Variants in SPG11 observed in about 807,000 individuals in gnomAD.
SPG11 encodes spatacsin.
SPG11 carries 222 observed loss-of-function variants against 274.0 expected under a neutral mutation model. The ratio of observed to expected loss-of-function variants is 0.81; its 90% confidence interval spans 0.73 to 0.91. The LOEUF is 0.91. Among genes scored for constraint, SPG11 ranks in the 40% least tolerant of loss-of-function variants. The pLI is 0.00. For missense variants in SPG11, 3,114 were observed against 2,872.7 expected (o/e 1.08, Z -1.92); for synonymous variants, 1,144 against 1,039.7 (o/e 1.10, Z -1.93).
Position 44,622,357 on chromosome 15 carries a change from A to C in SPG11, c.2317-10T>G, listed in dbSNP as rs764108717. On this transcript the variant is annotated splice_polypyrimidine_tract_variant and intron_variant, in intron 12 of 39. Transcript: ENST00000261866. ...CTTTTAAAATTTCAACCTTGAATAA[A>C]AAGTAATTAAAGCAGTGACTTTACA... 19 of 1,529,724 alleles carry C rather than the reference A, an allele frequency of 1.2e-5. No homozygotes were observed. The South Asian group carries it at 2.2e-4, about 18-fold the overall frequency. 94.8% of individuals were successfully genotyped at this position (1,529,724 alleles called of 1,614,324 possible).
chr15:44,563,011 A>G lies in SPG11; in HGVS notation c.*110T>C. The stretch of plus-strand genomic sequence containing the variant: ...ACTACCCACAAAGGACTGATATGGT[A>G]CAGTACCGGGATTGTTCAACTTTAG... On this transcript the variant is annotated 3_prime_UTR_variant, in exon 40 of 40. Transcript: ENST00000261866. 1 of 1,075,900 alleles carries G rather than the reference A, an allele frequency of 9.3e-7. No individual in the cohort carries two copies. The highest frequency in any genetic ancestry group is 1.4e-6 in the Non-Finnish European group (1 of 711,812). 66.6% of individuals were successfully genotyped at this position (1,075,900 alleles called of 1,614,324 possible). A position where few individuals can be genotyped will look rare whatever the true frequency, so the allele number is the denominator to read the frequency against.
At chr15:44,636,925 C>CAAAAAAAAAAAAACA (rs2084275682) in intron 7 of SPG11, among the ~76,000 whole-genome samples, 5 of 19,446 alleles carry the variant, frequency 2.6e-4, no homozygotes, top group South Asian at 3.0e-3. Context: ...GACTCCATCT[C>CAAAAAAAAAAAAACA]AAAAAAAAAA....
intron 19 of SPG11, 64 bp from the exon 20 acceptor site, chr15:44,606,155 T>C: frequency 6.8e-7 from 1 of 1,461,816 alleles, no homozygotes; most frequent in East Asian, 2.4e-5. Flanking sequence ...GTAAAAAAAA[T>C]TATATGAAAG....
At chr15:44,577,240 T>C (rs558378258) in intron 30 of SPG11, among the ~76,000 whole-genome samples, 1 of 152,116 alleles carries the variant, frequency 6.6e-6, no homozygotes, top group South Asian at 2.1e-4. Flanking sequence ...TGGTGGCTCA[T>C]GCCTGTAATC....
intron 11 of SPG11, among the ~76,000 whole-genome samples, chr15:44,625,126 C>T (rs1255659485): frequency 6.8e-6 from 1 of 147,284 alleles, no homozygotes. Flanking sequence ...AAGAGTGAAA[C>T]TCTGTCTCAA....
intron 30 of SPG11, among the ~76,000 whole-genome samples, chr15:44,579,740 G>T (rs1428833546): frequency 6.6e-6 from 1 of 152,030 alleles, no homozygotes; most frequent in Non-Finnish European, 1.5e-5. Context: ...CAGATATGAA[G>T]AATAAAATGA....
At chr15:44,640,384 G>A (rs918981585) in intron 7 of SPG11, among the ~76,000 whole-genome samples, 1 of 151,938 alleles carries the variant, frequency 6.6e-6, no homozygotes, top group African/African-American at 2.4e-5. Flanking sequence ...CCCCCCAAAA[G>A]ACAAGAAAGA....
At chr15:44,572,243 T>TA (rs1232494016) in intron 33 of SPG11, among the ~76,000 whole-genome samples, 1 of 152,210 alleles carries the variant, frequency 6.6e-6, no homozygotes, top group African/African-American at 2.4e-5. Context: ...TGTCATTTTT[T>TA]AAAAAAGAGA....
In SPG11 at chr15:44,601,260, A is replaced by AT. The variant is rs1465882850; in HGVS notation, c.3521-629dup. On this transcript the variant is annotated intron_variant, in intron 20 of 39. Coordinates refer to ENST00000261866, the MANE Select transcript of SPG11 (RefSeq NM_025137.4). Reference sequence around the variant, plus strand: ...ATATTTAAAGTATACAACATAATTGATTTTTTATTTTTTTTTTTAAGACAG... The same window carrying AT: ...ATATTTAAAGTATACAACATAATTGATTTTTTTATTTTTTTTTTTAAGACAG... Among the ~76,000 whole-genome samples, 43 of 151,942 alleles carry AT rather than the reference A, an allele frequency of 2.8e-4. 1 individual carries two copies. The highest frequency in any genetic ancestry group is 2.7e-3 in the South Asian group (13 of 4,820).
intron 11 of SPG11, among the ~76,000 whole-genome samples, chr15:44,623,395 G>T (rs1317366561): frequency 6.6e-6 from 1 of 152,090 alleles, no homozygotes; most frequent in African/African-American, 2.4e-5. Context: ...TGATTCAAGT[G>T]GAAACAATGA....
At chr15:44,650,864 C>T (rs1001131707) in intron 6 of SPG11, among the ~76,000 whole-genome samples, 7 of 152,086 alleles carry the variant, frequency 4.6e-5, no homozygotes, top group Non-Finnish European at 1.0e-4. Context: ...TCTCCTGCCT[C>T]GGCCTCCCAT....
At position 44,596,816 on chromosome 15, in the gene SPG11, G is replaced by A. The variant is rs773499406; in HGVS notation, c.4129C>T (p.His1377Tyr). 8.1e-6 allele frequency: 13 copies of A among 1,613,862 alleles called. No individual in the cohort carries two copies. The African/African-American group carries it at 1.7e-4, about 22-fold the overall frequency. The change falls in exon 24 of 40, where the codon CAC (histidine) becomes TAC (tyrosine). Residue 1377 changes from histidine (H) to tyrosine (Y), a missense_variant. Coordinates refer to ENST00000261866, the MANE Select transcript of SPG11 (RefSeq NM_025137.4). ...GGGTGGTAGTTGTGGAGTTGGCTGT[G>A]AATAATGAACTGCAGCCAATCATTT... ...KANDWLQFII[H>Y]SQLHNYHPAE...
Position 44,585,749 on chromosome 15 carries a change from G to A in SPG11, c.5008C>T (p.Gln1670Ter). ...TCCAAAATAGATCTACATTCATGCT[G>A]AAGATTCTCAATGCTGTAGCTGGTA... ...IITSYSIENL[Q>*]HECRSILERL... Residue 1670 changes from glutamine to a stop codon, truncating the protein, a stop_gained, in exon 29 of 40, where the codon CAG (glutamine) becomes TAG (stop). Coordinates refer to ENST00000261866, the MANE Select transcript of SPG11 (RefSeq NM_025137.4). LOFTEE classifies it high-confidence loss of function. 1 of 1,614,016 alleles carries A rather than the reference G, an allele frequency of 6.2e-7. No individual in the cohort carries two copies. The highest frequency in any genetic ancestry group is 1.1e-5 in the South Asian group (1 of 91,076).
In SPG11 at chr15:44,567,441, A is replaced by G. The variant is rs762209905; in HGVS notation, c.6737T>C (p.Ile2246Thr). 23 of 1,613,714 alleles carry G rather than the reference A, an allele frequency of 1.4e-5. No individual in the cohort carries two copies. Among genetic ancestry groups the G allele is most frequent in the South Asian group, 4.4e-5 (4 of 91,068 alleles). ...EAAARIQLKL[I>T]ESQPWEDSLK... The stretch of plus-strand genomic sequence containing the variant: ...TCACTCACCCCAGGGCTGAGACTCA[A>G]TCAATTTCAGTTGGATGCGGGCAGC... The change falls in exon 36 of 40, where the codon ATT (isoleucine) becomes ACT (threonine). Residue 2246 changes from isoleucine (I) to threonine (T), a missense_variant. Coordinates refer to ENST00000261866, the MANE Select transcript of SPG11 (RefSeq NM_025137.4).
chr15:44,646,389 G>A (rs2084611982), intron 7 of SPG11, among the ~76,000 whole-genome samples: 1 of 152,190 alleles, frequency 6.6e-6, no homozygotes, highest in African/African-American at 2.4e-5. Context: ...AGAAAGTGAA[G>A]GGGAAGCAAG....
rs767776590 is a variant in SPG11, at chr15:44,584,029, C to T, written c.5651G>A (p.Arg1884His). 14 of 1,614,198 alleles carry T rather than the reference C, an allele frequency of 8.7e-6. No homozygotes were observed. The highest frequency in any genetic ancestry group is 2.2e-5 in the South Asian group (2 of 91,088). ...ATGCACACAGCCATCATCCAGTAGG[C>T]GCCCAATCAAAAAGTTTAGTGACTC... is the stretch of plus-strand genomic sequence containing the variant. ...EQESLNFLIGRLLDDGCVHEA... is the reference protein window; with the variant it reads ...EQESLNFLIGHLLDDGCVHEA... Residue 1884 changes from arginine (R) to histidine (H), a missense_variant, in exon 30 of 40, where the codon CGC (arginine) becomes CAC (histidine). Arg to His is a conservative substitution (Grantham distance 29, BLOSUM62 0). Transcript: ENST00000261866.
chr15:44,574,604 G>C (rs1595829753), intron 31 of SPG11, among the ~76,000 whole-genome samples: 1 of 152,132 alleles, frequency 6.6e-6, no homozygotes, highest in Non-Finnish European at 1.5e-5. Flanking sequence ...AAGATATTAA[G>C]TCTAGAAGAG....
chr15:44,620,702 A>ATTT, intron 14 of SPG11: 3 of 200,362 alleles, frequency 1.5e-5, no homozygotes, highest in East Asian at 1.2e-4. Context: ...GACCAGGTAA[A>ATTT]TTTTTTTTTT....
chr15:44,629,328 G>C lies in SPG11; in HGVS notation c.1796C>G (p.Ser599Cys). 1 of 1,614,154 alleles carries C rather than the reference G, an allele frequency of 6.2e-7. No individual in the cohort carries two copies. Among genetic ancestry groups the C allele is most frequent in the Non-Finnish European group, 8.5e-7 (1 of 1,180,012 alleles). ...LLCSAIRESY[S>C]EPQSKHFSEQ... ...TGAAAAGTGTTTGCTTTGGGGTTCA[G>C]AATAACTTTCTCTAATTGCCGAGCA... The change falls in exon 9 of 40, where the codon TCT (serine) becomes TGT (cysteine). Residue 599 changes from serine (S) to cysteine (C), a missense_variant. Physicochemically the swap from Ser to Cys is moderately radical, Grantham distance 112. Transcript: ENST00000261866.
Sources: gnomAD v4.1 joint callset for allele counts (sites outside exome capture counted in the v4.1 genomes callset) on GRCh38, gnomAD v4.1.1 for gene constraint, MANE v1.5 for transcripts, NCBI Gene and HGNC (gene_info 2026-07-23, HGNC 2026-07-21) for gene names.